CCDC66: variants seen among roughly 807,000 people sequenced by gnomAD.
The protein encoded by CCDC66 is coiled-coil domain containing 66.
Under a neutral mutation model 128.3 loss-of-function variants are expected in CCDC66, and 133 were observed. The observed-to-expected ratio is 1.04, with a 90% CI of 0.90 to 1.20. The LOEUF is 1.20. CCDC66 is among the 50% of genes most tolerant of loss of function. The pLI is 0.00. For synonymous variants in CCDC66, 387 were observed against 357.0 expected (o/e 1.08, Z -0.95); for missense variants, 1,126 against 1,075.5 (o/e 1.05, Z -0.66).
intron 7 of CCDC66, among the ~76,000 whole-genome samples, chr3:56,587,105 A>C (rs1282524395): frequency 6.6e-6 from 1 of 151,908 alleles, no homozygotes; most frequent in Non-Finnish European, 1.5e-5. Flanking sequence ...GCAATATAAC[A>C]AGGAAAATAA....
rs535214129 is a variant in CCDC66, at chr3:56,586,149, A to T, written c.937-6821A>T. Among the ~76,000 whole-genome samples, 37 of 152,094 alleles carry T rather than the reference A, an allele frequency of 2.4e-4. 1 individual carries two copies. In the South Asian group the frequency reaches 5.8e-3, roughly 24 times the overall value. On this transcript the variant is annotated intron_variant, in intron 7 of 17. Transcript: ENST00000394672. ...ATTTGTTTTGTTAGAATATTGTGCAAAGTGTTTAGCTGTTGTGTGATCTCT... is the reference window on the plus strand; with the variant it reads ...ATTTGTTTTGTTAGAATATTGTGCATAGTGTTTAGCTGTTGTGTGATCTCT...
intron 3 of CCDC66, among the ~76,000 whole-genome samples, chr3:56,560,438 A>G (rs1170833290): frequency 6.6e-6 from 1 of 152,124 alleles, no homozygotes; most frequent in Non-Finnish European, 1.5e-5. Context: ...CCATTTAAAA[A>G]ATTTTTTTGA....
At chr3:56,577,031 C>A (rs1025388331) in intron 7 of CCDC66, among the ~76,000 whole-genome samples, 8 of 151,802 alleles carry the variant, frequency 5.3e-5, no homozygotes, top group Non-Finnish European at 8.8e-5. Flanking sequence ...GCATGTAGTC[C>A]CACTAACAGT....
At position 56,613,619 on chromosome 3, in the gene CCDC66, C is replaced by T. The variant is rs747923760; in HGVS notation, c.1435C>T (p.Arg479Cys). 6.2e-6 allele frequency: 10 copies of T among 1,613,240 alleles called. No homozygotes were observed. In the African/African-American group the frequency reaches 8.0e-5, roughly 13 times the overall value. ...KAITAQVEEKRRKKQLEEEQR... is the reference protein window; with the variant it reads ...KAITAQVEEKCRKKQLEEEQR... ...CATCACTGCCCAGGTAGAAGAGAAG[C>T]GCAGGAAGAAACAACTGGAGGAAGA... The change falls in exon 11 of 18, where the codon CGC (arginine) becomes TGC (cysteine). Residue 479 changes from arginine (R) to cysteine (C), a missense_variant. Arg to Cys is a radical substitution (Grantham distance 180). Transcript: ENST00000394672.
intron 12 of CCDC66, 95 bp downstream of exon 12, chr3:56,615,367 G>C: frequency 7.8e-7 from 1 of 1,276,388 alleles, no homozygotes; most frequent in East Asian, 2.6e-5. Flanking sequence ...GACTCATTCT[G>C]TTGCACAGGC....
Position 56,580,187 on chromosome 3 carries a change from C to T in CCDC66, c.936+8885C>T, listed in dbSNP as rs916283697. 3.3e-5 allele frequency among the ~76,000 whole-genome samples: 5 copies of T among 151,702 alleles called. 1 individual carries two copies. In the Admixed American group the frequency reaches 3.3e-4, roughly 10 times the overall value. On this transcript the variant is annotated intron_variant, in intron 7 of 17. Coordinates refer to ENST00000394672, the MANE Select transcript of CCDC66 (RefSeq NM_001141947.3). ...AATGGCCTTCTTTGTCTCTTTTGAT[C>T]TTTGTTGGTTTAAAGTCTGTTTTAT... is the stretch of plus-strand genomic sequence containing the variant.
chr3:56,620,816 CTTCTGTTAGCATCTAAGGTAAGG>C (rs2076388504), intron 17 of CCDC66: 1 of 152,214 alleles, frequency 6.6e-6, no homozygotes, highest in South Asian at 2.1e-4. Context: ...CAGCAGGACC[CTTCTGTTAGCATCTAAGGTAAGG>C]TTAGGACAGT....
intron 4 of CCDC66, among the ~76,000 whole-genome samples, chr3:56,565,441 CT>C (rs71621823): frequency 0.43 from 58,223 of 136,550 alleles, 14,333 homozygotes; most frequent in Middle Eastern, 0.58. Flanking sequence ...ACCCGGCTAA[CT>C]TTTTTTTTTT....
intron 3 of CCDC66, chr3:56,563,408 G>T: frequency 1.6e-5 from 4 of 250,670 alleles, no homozygotes; most frequent in Non-Finnish European, 2.9e-5. Context: ...AAAAAAAAAA[G>T]AGATAATGTA....
chr3:56,564,195 G>A (rs556777502), intron 4 of CCDC66, 70 bp downstream of exon 4: 2 of 1,164,534 alleles, frequency 1.7e-6, no homozygotes, highest in East Asian at 2.4e-5. Flanking sequence ...CAGATTCATT[G>A]GGTTTTATGT....
intron 6 of CCDC66, chr3:56,570,508 T>C (rs12636773): frequency 0.35 from 53,572 of 153,756 alleles, 10,029 homozygotes; most frequent in East Asian, 0.49. Context: ...TCCTACCACG[T>C]TGGGAGGCCG....
Position 56,587,488 on chromosome 3 carries a change from A to G in CCDC66, c.937-5482A>G, listed in dbSNP as rs140497354. Among the ~76,000 whole-genome samples the G allele has an allele frequency of 8.3e-4, 124 of 149,698 alleles. 1 individual carries two copies. Among genetic ancestry groups the G allele is most frequent in the African/African-American group, 2.4e-3 (100 of 41,380 alleles). On this transcript the variant is annotated intron_variant, in intron 7 of 17. Coordinates refer to ENST00000394672, the MANE Select transcript of CCDC66 (RefSeq NM_001141947.3). ...GAAGCAGGCATCTAACATGGCAGAA[A>G]CAGGACCAAGAGAGAAGTAGCAGGG... is the stretch of plus-strand genomic sequence containing the variant.
intron 7 of CCDC66, among the ~76,000 whole-genome samples, chr3:56,577,207 G>A (rs1352979096): frequency 6.6e-6 from 1 of 151,830 alleles, no homozygotes; most frequent in Non-Finnish European, 1.5e-5. Context: ...TCTGTTGGCT[G>A]CATAAATGTC....
At chr3:56,575,730 G>T (rs1049823788) in intron 7 of CCDC66, among the ~76,000 whole-genome samples, 1 of 151,742 alleles carries the variant, frequency 6.6e-6, no homozygotes, top group Non-Finnish European at 1.5e-5. Flanking sequence ...TTAGGTCTTT[G>T]ATCTATTTTG....
intron 10 of CCDC66, among the ~76,000 whole-genome samples, chr3:56,602,979 C>T (rs1010569871): frequency 7.9e-5 from 12 of 151,394 alleles, no homozygotes; most frequent in Non-Finnish European, 1.3e-4. Flanking sequence ...GGACTACAGG[C>T]GCCCACCATC....
At chr3:56,574,046 A>G (rs186412517) in intron 7 of CCDC66, among the ~76,000 whole-genome samples, 1 of 151,832 alleles carries the variant, frequency 6.6e-6, no homozygotes, top group Admixed American at 6.6e-5. Flanking sequence ...GAGTATGATT[A>G]TTGGCTCATT....
rs112001681 is a variant in CCDC66, at chr3:56,561,024, C to G, written c.102+1430C>G. 922 of 440,584 alleles carry G rather than the reference C, an allele frequency of 2.1e-3. 8 individuals are homozygous for G. The highest frequency in any genetic ancestry group is 0.016 in the African/African-American group (806 of 49,038). 27.3% of individuals were successfully genotyped at this position (440,584 alleles called of 1,614,324 possible). On this transcript the variant is annotated intron_variant, in intron 3 of 17. Coordinates refer to ENST00000394672, the MANE Select transcript of CCDC66 (RefSeq NM_001141947.3). ...CACTCAATAAATAGGTGAAGATGAT[C>G]AGAACAATTCCACAAACTACATATA...
At chr3:56,566,158 C>T (rs76533482) in intron 4 of CCDC66, among the ~76,000 whole-genome samples, 7,685 of 79,254 alleles carry the variant, frequency 0.097, 478 homozygotes, top group East Asian at 0.33. Flanking sequence ...CGACATCTGG[C>T]CCAGACTGGA....
Position 56,615,987 on chromosome 3 carries a change from A to G in CCDC66, c.1777A>G (p.Ile593Val), listed in dbSNP as rs765295668. Residue 593 changes from isoleucine (I) to valine (V), a missense_variant, in exon 13 of 18, where the codon ATC (isoleucine) becomes GTC (valine). Transcript: ENST00000394672. The stretch of plus-strand genomic sequence containing the variant: ...AAATTCAAGACATGATTCTGATGAA[A>G]TCAGTGGTAAAATGAATACATATAT... The part of the protein sequence containing the change: ...ISNSRHDSDE[I>V]SGKMNTYMNS... 3.1e-6 allele frequency: 5 copies of G among 1,596,780 alleles called. No homozygotes were observed. Among genetic ancestry groups the G allele is most frequent in the Non-Finnish European group, 4.3e-6 (5 of 1,171,034 alleles).
Sources: gnomAD v4.1 joint callset for allele counts (sites outside exome capture counted in the v4.1 genomes callset) on GRCh38, gnomAD v4.1.1 for gene constraint, MANE v1.5 for transcripts, NCBI Gene and HGNC (gene_info 2026-07-23, HGNC 2026-07-21) for gene names.